The following WDFY1 variants were observed in gnomAD, a reference collection of about 807,000 sequenced individuals.
The protein encoded by WDFY1 is WD repeat and FYVE domain containing 1.
Under a neutral mutation model 56.4 loss-of-function variants are expected in WDFY1, and 32 were observed. That is an observed-to-expected ratio of 0.57 (90% confidence interval 0.43 to 0.76). The LOEUF (loss-of-function observed/expected upper bound fraction) is 0.76, where lower values mean the gene tolerates loss of function less well. Among genes scored for constraint, WDFY1 ranks in the 30% least tolerant of loss-of-function variants. The pLI, the probability that WDFY1 is intolerant of heterozygous loss-of-function variation, is 0.00. For synonymous variants in WDFY1, 192 were observed against 197.3 expected, an observed-to-expected ratio of 0.97 and a Z score of 0.23; for missense variants, 480 against 545.7, an observed-to-expected ratio of 0.88 and a Z score of 1.20.
At chr2:223,895,365 A>T in intron 7 of WDFY1, 139 bp downstream of exon 7, 1 of 1,291,486 alleles carries the variant, frequency 7.7e-7, no homozygotes, top group Middle Eastern at 2.8e-4. Flanking sequence ...AAAGCAGTTA[A>T]AAGTGAACTG....
intron 5 of WDFY1, among the ~76,000 whole-genome samples, chr2:223,900,245 C>T (rs894156404): frequency 6.6e-6 from 1 of 152,134 alleles, no homozygotes; most frequent in African/African-American, 2.4e-5. Context: ...AGAGGCCTAG[C>T]ACGTAACAAA....
intron 1 of WDFY1, among the ~76,000 whole-genome samples, chr2:223,919,125 T>A (rs1225304727): frequency 6.6e-6 from 1 of 152,214 alleles, no homozygotes; most frequent in East Asian, 1.9e-4. Context: ...ATTCCACAGG[T>A]GATCGCCCTG....
intron 2 of WDFY1, among the ~76,000 whole-genome samples, chr2:223,914,050 G>A (rs1693748364): frequency 1.4e-5 from 2 of 143,312 alleles, no homozygotes; most frequent in African/African-American, 5.2e-5. Context: ...AGGCTGGAGT[G>A]CAGTGGCGCA....
At chr2:223,912,770 G>C (rs1022425197) in intron 2 of WDFY1, among the ~76,000 whole-genome samples, 3 of 152,202 alleles carry the variant, frequency 2.0e-5, no homozygotes, top group African/African-American at 7.2e-5. Flanking sequence ...GTGAGCATAT[G>C]TGAGGTGCAG....
At chr2:223,942,749 A>G (rs1483193969) in intron 1 of WDFY1, among the ~76,000 whole-genome samples, 1 of 132,388 alleles carries the variant, frequency 7.6e-6, no homozygotes, top group Non-Finnish European at 1.6e-5. Flanking sequence ...GTTAGCCAGG[A>G]TGGTCTCGAT....
At position 223,924,783 on chromosome 2, in the gene WDFY1, A is replaced by T. The variant is rs116716312; in HGVS notation, c.138-6773T>A. ...AAATGTTTCAGATTAAAATGTTTTT[A>T]AAATGTACTGCTGTGCAGGGAAAGC... On this transcript the variant is annotated intron_variant, in intron 1 of 11. Transcript: ENST00000233055. 9.3e-3 allele frequency among the ~76,000 whole-genome samples: 1,418 copies of T among 152,330 alleles called. 36 individuals carry two copies. Among genetic ancestry groups the T allele is most frequent in the African/African-American group, 0.032 (1,338 of 41,580 alleles).
At chr2:223,930,832 C>T (rs987119471) in intron 1 of WDFY1, among the ~76,000 whole-genome samples, 4 of 152,110 alleles carry the variant, frequency 2.6e-5, no homozygotes, top group East Asian at 1.9e-4. Context: ...ATCCTCGGCC[C>T]GCCTGTAGCA....
Position 223,944,162 on chromosome 2 carries a change from G to T in WDFY1, c.137+986C>A, listed in dbSNP as rs369525853. Among the ~76,000 whole-genome samples the T allele has an allele frequency of 8.5e-5, 13 of 152,318 alleles. No homozygotes were observed. The East Asian group carries it at 1.5e-3, about 18-fold the overall frequency. ...CGTGGCAAAAATAACTGATCTAGAG[G>T]CCTGGCGTGGCGTGAAATCCCTGAG... On this transcript the variant is annotated intron_variant, in intron 1 of 11. Transcript: ENST00000233055.
chr2:223,928,061 T>C (rs1158384617), intron 1 of WDFY1, among the ~76,000 whole-genome samples: 2 of 152,066 alleles, frequency 1.3e-5, no homozygotes, highest in African/African-American at 2.4e-5. Context: ...TGGGCACAGT[T>C]TGTGGCTCCC....
chr2:223,902,703 C>T (rs1013348331), intron 4 of WDFY1, among the ~76,000 whole-genome samples: 3 of 151,610 alleles, frequency 2.0e-5, no homozygotes, highest in Admixed American at 6.6e-5. Flanking sequence ...TAAATACTTA[C>T]AGGGTGTGTA....
chr2:223,929,320 T>C (rs1179934193), intron 1 of WDFY1, among the ~76,000 whole-genome samples: 1 of 151,920 alleles, frequency 6.6e-6, no homozygotes, highest in Non-Finnish European at 1.5e-5. Context: ...CGCTAGTAGC[T>C]GGGATTACAG....
intron 1 of WDFY1, among the ~76,000 whole-genome samples, chr2:223,925,308 G>A (rs1450566620): frequency 1.3e-5 from 2 of 151,884 alleles, no homozygotes; most frequent in Non-Finnish European, 2.9e-5. Context: ...GCAACAAAGT[G>A]AGTCACACAA....
intron 1 of WDFY1, among the ~76,000 whole-genome samples, chr2:223,936,138 TG>T (rs1482742639): frequency 6.8e-6 from 1 of 146,386 alleles, no homozygotes; most frequent in Non-Finnish European, 1.5e-5. Flanking sequence ...CTTGGCTCAC[TG>T]CAACCTATGC....
rs1489276257 is a variant in WDFY1 at position 223,945,270 on chromosome 2, G to T, written c.15C>A (p.Ile5=). 7 of 1,576,748 alleles carry T rather than the reference G, an allele frequency of 4.4e-6. No homozygotes were observed. Among genetic ancestry groups the T allele is most frequent in the Non-Finnish European group, 5.1e-6 (6 of 1,167,484 alleles). Residue 5 remains isoleucine (I), a synonymous_variant, in exon 1 of 12, where the codon ATC becomes ATA. Transcript: ENST00000233055. ...GGCGGCTGCTCTGCGGCCTGGAGTG[G>T]ATTTCGGCCGCCATGTTCGCGCGGC... is the stretch of plus-strand genomic sequence containing the variant. MAAE[I]HSRPQSSRPV... is the part of the protein sequence containing the mutation.
At chr2:223,909,490 C>T (rs1693657153) in intron 3 of WDFY1, among the ~76,000 whole-genome samples, 1 of 152,086 alleles carries the variant, frequency 6.6e-6, no homozygotes, top group African/African-American at 2.4e-5. Flanking sequence ...TGATGATGCC[C>T]TCTGCCCAGA....
At chr2:223,929,280 C>T (rs1411453558) in intron 1 of WDFY1, among the ~76,000 whole-genome samples, 4 of 150,800 alleles carry the variant, frequency 2.7e-5, no homozygotes, top group Non-Finnish European at 5.9e-5. Context: ...CTCCGCCTCC[C>T]GGGTTCAAGC....
Position 223,895,620 on chromosome 2 carries a change from G to A in WDFY1, c.609C>T (p.Ala203=), listed in dbSNP as rs1693353239. The change falls in exon 7 of 12, where the codon GCC becomes GCT. Residue 203 remains alanine, a synonymous_variant. Coordinates refer to ENST00000233055, the MANE Select transcript of WDFY1 (RefSeq NM_020830.5). The part of the protein sequence containing the change: ...TTLKGHEGSV[A]CLWWDPIQRL... ...GCTGAATAGGGTCCCACCAGAGGCA[G>A]GCGACACTACCTAGGGATTTGTGAG... The A allele has an allele frequency of 6.2e-7, 1 of 1,613,980 alleles. No individual in the cohort carries two copies. The highest frequency in any genetic ancestry group is 1.7e-5 in the Admixed American group (1 of 60,006).
At position 223,898,986 on chromosome 2, in the gene WDFY1, T is replaced by G; in HGVS notation, c.570A>C (p.Ser190=). 1 of 1,614,158 alleles carries G rather than the reference T, an allele frequency of 6.2e-7. No individual in the cohort carries two copies. Among genetic ancestry groups the G allele is most frequent in the South Asian group, 1.1e-5 (1 of 91,082 alleles). ...TLLKLEQNTC[S]VITTLKGHEG... is the part of the protein sequence containing the mutation. ...CATGTCCTTTGAGGGTTGTGATGACTGAACACGTGTTCTGTTCAAGCTTCA... is the reference window on the plus strand; with the variant it reads ...CATGTCCTTTGAGGGTTGTGATGACGGAACACGTGTTCTGTTCAAGCTTCA... Residue 190 remains serine, a synonymous_variant, in exon 6 of 12, where the codon TCA becomes TCC. Transcript: ENST00000233055.
rs113145896 is a variant in WDFY1 at position 223,912,416 on chromosome 2, T to G, written c.206-90A>C. ...ATTAAGAACTATATGATAAGAACTA[T>G]ATAATTTAGGTTCACAGAAAGAGGG... On this transcript the variant is annotated intron_variant, in intron 2 of 11. Coordinates refer to ENST00000233055, the MANE Select transcript of WDFY1 (RefSeq NM_020830.5). 2,052 of 1,013,198 alleles carry G rather than the reference T, an allele frequency of 2.0e-3. 31 individuals carry two copies. In the African/African-American group the frequency reaches 0.031, roughly 15 times the overall value. 62.8% of individuals were successfully genotyped at this position (1,013,198 alleles called of 1,614,324 possible).
Sources: allele counts gnomAD v4.1 joint callset (sites outside exome capture counted in the v4.1 genomes callset), GRCh38; gene constraint gnomAD v4.1.1; transcripts MANE v1.5; gene names NCBI Gene and HGNC (gene_info 2026-07-23, HGNC 2026-07-21).